SFT2D2: variants seen among roughly 807,000 people sequenced by gnomAD.
SFT2D2 encodes the protein SFT2 domain containing 2.
A neutral mutation model predicts 27.4 loss-of-function variants in SFT2D2; 21 were observed. The ratio of observed to expected loss-of-function variants is 0.77; its 90% CI spans 0.54 to 1.10. SFT2D2 has a LOEUF of 1.10. Ranked by LOEUF, SFT2D2 falls within the 50% of genes least tolerant of loss-of-function variation. SFT2D2 has a pLI of 0.00. For synonymous variants in SFT2D2, 72 were observed against 71.7 expected (o/e 1.00, Z -0.02); for missense variants, 187 against 194.2 (o/e 0.96, Z 0.22).
At position 168,248,406 on chromosome 1, in the gene SFT2D2, T is replaced by G. The variant is rs950300763; in HGVS notation, c.*5866T>G. ...CTTCCAGTACTATGTTGAGTAGGAA[T>G]GGTGAGAGAGGGCATCCTTGTCTTG... is the stretch of plus-strand genomic sequence containing the variant. On this transcript the variant is annotated 3_prime_UTR_variant, in exon 8 of 8. Transcript: ENST00000271375. The G allele has an allele frequency of 1.3e-5, 2 of 152,436 alleles. No homozygotes were observed. The highest frequency in any genetic ancestry group is 4.1e-4 in the South Asian group (2 of 4,822). 9.4% of individuals were successfully genotyped at this position (152,436 alleles called of 1,614,324 possible). A position where few individuals can be genotyped will look rare whatever the true frequency, so the allele number is the denominator to read the frequency against.
At chr1:168,238,091 C>T (rs1255574341) in intron 6 of SFT2D2, among the ~76,000 whole-genome samples, 1 of 152,160 alleles carries the variant, frequency 6.6e-6, no homozygotes, top group Non-Finnish European at 1.5e-5. Flanking sequence ...GGCTAACTTA[C>T]AGTCTGCCTG....
chr1:168,242,388 T>G, intron 7 of SFT2D2, 113 bp from the exon 8 acceptor site: 3 of 1,113,422 alleles, frequency 2.7e-6, no homozygotes, highest in Non-Finnish European at 4.1e-6. Flanking sequence ...TGTGAAGGTC[T>G]GATCTTTCAG....
chr1:168,242,526 G>T lies in SFT2D2; in HGVS notation c.469G>T (p.Val157Leu). ...ARDAVKKCFA[V>L]CLA ...GGATGCTGTGAAGAAGTGTTTTGCC[G>T]TGTGTCTTGCATAATTCATGGCCAG... Residue 157 changes from valine to leucine, a missense_variant, in exon 8 of 8, where the codon GTG becomes TTG. Coordinates refer to ENST00000271375, the MANE Select transcript of SFT2D2 (RefSeq NM_199344.3). 1 of 1,614,142 alleles carries T rather than the reference G, an allele frequency of 6.2e-7. No homozygotes were observed. Among genetic ancestry groups the T allele is most frequent in the Non-Finnish European group, 8.5e-7 (1 of 1,180,022 alleles).
chr1:168,236,566 T>C (rs1159085492), intron 4 of SFT2D2, 23 bp from the exon 5 acceptor site: 1 of 1,607,366 alleles, frequency 6.2e-7, no homozygotes, highest in Non-Finnish European at 8.5e-7. Flanking sequence ...TGTCATTAAT[T>C]AATGTTTCCT....
chr1:168,237,888 C>T (rs1485013998), intron 6 of SFT2D2, among the ~76,000 whole-genome samples: 1 of 148,876 alleles, frequency 6.7e-6, no homozygotes, highest in Non-Finnish European at 1.5e-5. Context: ...ATGACATGCA[C>T]ATTTGAGTGG....
chr1:168,237,367 GC>G (rs1390637619), intron 6 of SFT2D2, among the ~76,000 whole-genome samples: 6 of 152,170 alleles, frequency 3.9e-5, no homozygotes, highest in Non-Finnish European at 2.9e-5. Flanking sequence ...TAACTCCAGA[GC>G]CAAGTATAGT....
chr1:168,226,433 T>TCGGCCC (rs1439166688), intron 1 of SFT2D2, among the ~76,000 whole-genome samples: 2 of 152,090 alleles, frequency 1.3e-5, no homozygotes, highest in Non-Finnish European at 2.9e-5. Context: ...GACTGGGCTG[T>TCGGCCC]CGGCCCCGGC....
intron 3 of SFT2D2, 23 bp from the exon 4 acceptor site, chr1:168,235,078 G>C (rs778845776): frequency 6.2e-7 from 1 of 1,610,310 alleles, no homozygotes; most frequent in South Asian, 1.1e-5. Flanking sequence ...TGAACGGCTT[G>C]TGTGCGTGTG....
chr1:168,237,300 C>T lies in SFT2D2; in HGVS notation c.413+530C>T, dbSNP rs117309273. 2.0e-3 allele frequency among the ~76,000 whole-genome samples: 307 copies of T among 152,290 alleles called. 5 individuals carry two copies. The East Asian group carries it at 0.049, about 24-fold the overall frequency. The stretch of plus-strand genomic sequence containing the variant: ...GTGTGTCTGTGGGCTGTAGGATCAG[C>T]GTATGTGCTCAGAGGCTTGTTGGCT... On this transcript the variant is annotated intron_variant, in intron 6 of 7. Transcript: ENST00000271375.
Position 168,235,191 on chromosome 1 carries a change from T to C in SFT2D2, c.318+9T>C, listed in dbSNP as rs754626025. The C allele has an allele frequency of 1.2e-6, 2 of 1,614,044 alleles. No individual in the cohort carries two copies. Among genetic ancestry groups the C allele is most frequent in the Non-Finnish European group, 1.7e-6 (2 of 1,179,870 alleles). ...CAACTATCATGGTGCTGGTAAGGTCTGCTTTTTAGCTGGACTTCTCAGATG... is the reference window on the plus strand; with the variant it reads ...CAACTATCATGGTGCTGGTAAGGTCCGCTTTTTAGCTGGACTTCTCAGATG... On this transcript the variant is annotated intron_variant, in intron 4 of 7. Transcript: ENST00000271375.
chr1:168,235,882 T>C (rs1486587654), intron 4 of SFT2D2, among the ~76,000 whole-genome samples: 2 of 152,248 alleles, frequency 1.3e-5, no homozygotes, highest in Non-Finnish European at 2.9e-5. Flanking sequence ...TATAATCTCA[T>C]TTGTTCAAAT....
In SFT2D2 at chr1:168,231,605, GA is replaced by G; in HGVS notation, c.150+6del. 1.9e-6 allele frequency: 3 copies of G among 1,613,268 alleles called. No homozygotes were observed. Among genetic ancestry groups the G allele is most frequent in the Non-Finnish European group, 2.5e-6 (3 of 1,179,516 alleles). On this transcript the variant is annotated splice_donor_region_variant and intron_variant, in intron 2 of 7. Transcript: ENST00000271375. The stretch of plus-strand genomic sequence containing the variant: ...GGAATTCTCTGCTCACTGCTGGTAA[GA>G]TTTCCCTTCCTCCTCTGTCTTTTCC...
In SFT2D2 at chr1:168,243,266, T is replaced by TG. The variant is rs985617161; in HGVS notation, c.*730dup. On this transcript the variant is annotated 3_prime_UTR_variant, in exon 8 of 8. Coordinates refer to ENST00000271375, the MANE Select transcript of SFT2D2 (RefSeq NM_199344.3). ...TTCTTTATGACCTCCTGGCACTAGA[T>TG]GGGGAAAGAACAGAGCAGCAGCAGA... is the stretch of plus-strand genomic sequence containing the variant. 1.8e-4 allele frequency: 26 copies of TG among 147,996 alleles called. No homozygotes were observed. Among genetic ancestry groups the TG allele is most frequent in the Admixed American group, 1.6e-3 (24 of 14,684 alleles). 9.2% of individuals were successfully genotyped at this position (147,996 alleles called of 1,614,324 possible). A position where few individuals can be genotyped will look rare whatever the true frequency, so the allele number is the denominator to read the frequency against.
intron 2 of SFT2D2, 43 bp downstream of exon 2, chr1:168,231,643 T>C (rs1329976960): frequency 6.3e-7 from 1 of 1,585,014 alleles, no homozygotes; most frequent in Non-Finnish European, 8.7e-7. Flanking sequence ...TCTACCTGTC[T>C]TTGCTATATA....
At chr1:168,241,270 C>T (rs577949763) in intron 7 of SFT2D2, among the ~76,000 whole-genome samples, 10 of 135,602 alleles carry the variant, frequency 7.4e-5, no homozygotes, top group South Asian at 4.8e-4. Flanking sequence ...TGCAGTGGCC[C>T]GATGTCAGCT....
intron 7 of SFT2D2, among the ~76,000 whole-genome samples, chr1:168,240,795 C>T (rs1351685872): frequency 6.6e-6 from 1 of 151,964 alleles, no homozygotes; most frequent in Non-Finnish European, 1.5e-5. Flanking sequence ...ACCTGTAATC[C>T]CAGCTACTCA....
At position 168,231,620 on chromosome 1, in the gene SFT2D2, T is replaced by G; in HGVS notation, c.150+20T>G. 1 of 1,609,472 alleles carries G rather than the reference T, an allele frequency of 6.2e-7. No individual in the cohort carries two copies. The highest frequency in any genetic ancestry group is 1.3e-5 in the African/African-American group (1 of 74,946). On this transcript the variant is annotated intron_variant, in intron 2 of 7. Transcript: ENST00000271375. ...CTGCTGGTAAGATTTCCCTTCCTCC[T>G]CTGTCTTTTCCTTCTACCTGTCTTT...
In SFT2D2 at chr1:168,243,389, C is replaced by T. The variant is rs1647705682; in HGVS notation, c.*849C>T. ...TTTCTCCATTATTTATAAATGTTTG[C>T]TTTTAAACTGATTTTATTTTCCATT... is the stretch of plus-strand genomic sequence containing the variant. On this transcript the variant is annotated 3_prime_UTR_variant, in exon 8 of 8. Coordinates refer to ENST00000271375, the MANE Select transcript of SFT2D2 (RefSeq NM_199344.3). The T allele has an allele frequency of 6.6e-6, 1 of 151,948 alleles. No homozygotes were observed. The allele number at this position is 151,948 out of a possible 1,614,324, so 9.4% of individuals were successfully genotyped here. A position where few individuals can be genotyped will look rare whatever the true frequency, so the allele number is the denominator to read the frequency against.
chr1:168,246,385 C>T lies in SFT2D2; in HGVS notation c.*3845C>T, dbSNP rs368183343. The T allele has an allele frequency of 1.7e-4, 111 of 654,762 alleles. No individual in the cohort carries two copies. The African/African-American group carries it at 1.8e-3, about 11-fold the overall frequency. 40.6% of individuals were successfully genotyped at this position (654,762 alleles called of 1,614,324 possible). A position where few individuals can be genotyped will look rare whatever the true frequency, so the allele number is the denominator to read the frequency against. On this transcript the variant is annotated 3_prime_UTR_variant, in exon 8 of 8. Transcript: ENST00000271375. ...ACTTGCTTTTCTGTGCATTTTTCTA[C>T]TTTATCTTGGCCACTTGTGTACATT...
Sources: gnomAD v4.1 joint callset for allele counts (sites outside exome capture counted in the v4.1 genomes callset) on GRCh38, gnomAD v4.1.1 for gene constraint, MANE v1.5 for transcripts, NCBI Gene and HGNC (gene_info 2026-07-23, HGNC 2026-07-21) for gene names.